Variants in SEMA5B observed in about 807,000 individuals in gnomAD.
SEMA5B encodes the protein semaphorin-5B.
A neutral mutation model predicts 135.0 loss-of-function variants in SEMA5B; 66 were observed. The ratio of observed to expected loss-of-function variants is 0.49; its 90% CI spans 0.40 to 0.60. The LOEUF is 0.60. Among genes scored for constraint, SEMA5B ranks in the 20% least tolerant of loss-of-function variants. SEMA5B has a pLI of 0.00. For synonymous variants in SEMA5B, 690 were observed against 639.5 expected, an observed-to-expected ratio of 1.08 and a Z score of -1.19; for missense variants, 1,501 against 1,566.3, an observed-to-expected ratio of 0.96 and a Z score of 0.70.
At position 122,989,806 on chromosome 3, in the gene SEMA5B, C is replaced by CT. The variant is rs1941820812; in HGVS notation, c.-38-28506_-38-28505insA. On this transcript the variant is annotated intron_variant, in intron 1 of 22. Transcript: ENST00000357599. ...TTGAGCTTTTCAGAGAAAATTGGTT[C>CT]CCTGGGGGAGTAAAGGTCAGAAAAA... is the stretch of plus-strand genomic sequence containing the variant. 2.0e-5 allele frequency among the ~76,000 whole-genome samples: 3 copies of CT among 152,274 alleles called. No homozygotes were observed. The South Asian group carries it at 6.2e-4, about 32-fold the overall frequency.
chr3:122,974,291 G>A (rs1426040092), intron 1 of SEMA5B, among the ~76,000 whole-genome samples: 4 of 152,168 alleles, frequency 2.6e-5, no homozygotes, highest in Non-Finnish European at 5.9e-5. Flanking sequence ...GAGCCCCCTC[G>A]CTCCTGCACA....
chr3:122,910,448 C>A (rs1335163841), intron 22 of SEMA5B, 147 bp from the exon 23 acceptor site: 14 of 814,520 alleles, frequency 1.7e-5, no homozygotes, highest in Non-Finnish European at 2.5e-5. Flanking sequence ...CTGCCCAGTT[C>A]CACCCAGCTG....
At chr3:122,997,519 C>CTCCCCT (rs974910795) in intron 1 of SEMA5B, among the ~76,000 whole-genome samples, 1 of 129,980 alleles carries the variant, frequency 7.7e-6, no homozygotes, top group East Asian at 2.7e-4. Flanking sequence ...CCAGGCCTCT[C>CTCCCCT]CCCCCCCCGT....
intron 1 of SEMA5B, among the ~76,000 whole-genome samples, chr3:123,025,109 G>A: frequency 6.6e-6 from 1 of 152,192 alleles, no homozygotes; most frequent in East Asian, 1.9e-4. Flanking sequence ...TGGGGAGGTA[G>A]CAATCTACAG....
intron 1 of SEMA5B, among the ~76,000 whole-genome samples, chr3:122,987,866 G>A (rs1423469652): frequency 1.3e-5 from 2 of 152,004 alleles, no homozygotes; most frequent in African/African-American, 2.4e-5. Flanking sequence ...TTTCAATTTG[G>A]AGAATTTTAT....
At chr3:123,017,937 T>C (rs949046657) in intron 1 of SEMA5B, among the ~76,000 whole-genome samples, 30 of 150,914 alleles carry the variant, frequency 2.0e-4, no homozygotes, top group African/African-American at 7.3e-4. Context: ...AAAAAAAGGA[T>C]TTTTTGCTGG....
chr3:122,928,413 G>T, intron 7 of SEMA5B, 104 bp downstream of exon 7: 1 of 743,568 alleles, frequency 1.3e-6, no homozygotes, highest in Non-Finnish European at 2.2e-6. Flanking sequence ...TGTTTTGGGT[G>T]TCTGTTTGCA....
intron 20 of SEMA5B, 97 bp downstream of exon 20, chr3:122,911,823 C>T (rs773359168): frequency 7.1e-7 from 1 of 1,400,858 alleles, no homozygotes. Context: ...ATCCTGTGCC[C>T]CCTGCTCCCC....
chr3:122,929,073 T>C lies in SEMA5B; in HGVS notation c.475-15A>G, dbSNP rs778878496. ...CACTCTGTGGCCTGGGGGAGGAACATAGGAGCACACAGACATCACATGGCT... is the reference window on the plus strand; with the variant it reads ...CACTCTGTGGCCTGGGGGAGGAACACAGGAGCACACAGACATCACATGGCT... On this transcript the variant is annotated splice_polypyrimidine_tract_variant and intron_variant, in intron 5 of 22. Transcript: ENST00000357599. 11 of 1,609,922 alleles carry C rather than the reference T, an allele frequency of 6.8e-6. No individual in the cohort carries two copies. Among genetic ancestry groups the C allele is most frequent in the South Asian group, 1.1e-5 (1 of 91,020 alleles).
intron 12 of SEMA5B, 53 bp downstream of exon 12, chr3:122,921,862 T>A (rs1467733796): frequency 1.0e-5 from 15 of 1,463,762 alleles, no homozygotes; most frequent in African/African-American, 2.9e-5. Flanking sequence ...GCCCCGCCTC[T>A]TAAGCGCCTC....
In SEMA5B at chr3:122,910,293, G is replaced by C; in HGVS notation, c.3306C>G (p.Asn1102Lys). 1 of 1,614,120 alleles carries C rather than the reference G, an allele frequency of 6.2e-7. No individual in the cohort carries two copies. Among genetic ancestry groups the C allele is most frequent in the East Asian group, 2.2e-5 (1 of 44,884 alleles). The change falls in exon 23 of 23, where the codon AAC (asparagine) becomes AAG (lysine). Residue 1102 changes from asparagine (N) to lysine (K), a missense_variant. Around this residue, in one of 2 missense-constraint regions of SEMA5B, gnomAD observed 927 missense variants for 881.6 expected, o/e 1.05. Coordinates refer to ENST00000357599, the MANE Select transcript of SEMA5B (RefSeq NM_001031702.4). Reference sequence around the variant, plus strand: ...TGTCATCAGGGATCAAGTTATTCTTGTTCAGGGTCTGTGGGTGGAAGAAGG... The same window carrying C: ...TGTCATCAGGGATCAAGTTATTCTTCTTCAGGGTCTGTGGGTGGAAGAAGG... Reference protein sequence around the residue: ...KYTPMEFKTLNKNNLIPDDRA... With the variant: ...KYTPMEFKTLKKNNLIPDDRA...
At chr3:122,937,700 G>C (rs997576604) in intron 5 of SEMA5B, among the ~76,000 whole-genome samples, 1 of 152,108 alleles carries the variant, frequency 6.6e-6, no homozygotes, top group Non-Finnish European at 1.5e-5. Flanking sequence ...CTGACACCAG[G>C]TCAACACTGA....
chr3:122,963,492 CAAAAAAAAAAAAGAAAAAG>C (rs2107613299), intron 1 of SEMA5B, among the ~76,000 whole-genome samples: 1 of 121,768 alleles, frequency 8.2e-6, no homozygotes, highest in African/African-American at 2.8e-5. Flanking sequence ...GTCTCTGACT[CAAAAAAAAAAAAGAAAAAG>C]AAAAAGAAAA....
At position 123,004,577 on chromosome 3, in the gene SEMA5B, T is replaced by C. The variant is rs1436672029; in HGVS notation, c.-39+22887A>G. Among the ~76,000 whole-genome samples, 4 of 152,314 alleles carry C rather than the reference T, an allele frequency of 2.6e-5. No homozygotes were observed. The South Asian group carries it at 6.2e-4, about 24-fold the overall frequency. Reference sequence around the variant, plus strand: ...CTAACAATGTAAAACTGTTGTTGCTTAAAGAGGCCAATCTAAAGTGTGTTA... The same window carrying C: ...CTAACAATGTAAAACTGTTGTTGCTCAAAGAGGCCAATCTAAAGTGTGTTA... On this transcript the variant is annotated intron_variant, in intron 1 of 22. Transcript: ENST00000357599.
chr3:123,003,704 G>A (rs1942236998), intron 1 of SEMA5B, among the ~76,000 whole-genome samples: 1 of 152,148 alleles, frequency 6.6e-6, no homozygotes, highest in South Asian at 2.1e-4. Flanking sequence ...CACAGTGGCA[G>A]GCGCCTGTAA....
At chr3:122,935,182 C>G (rs1301419654) in intron 5 of SEMA5B, among the ~76,000 whole-genome samples, 1 of 152,138 alleles carries the variant, frequency 6.6e-6, no homozygotes, top group Non-Finnish European at 1.5e-5. Context: ...GACTGGTGGG[C>G]TTCTTGTAGG....
chr3:122,958,424 G>C (rs1940429708), intron 2 of SEMA5B: 1 of 152,234 alleles, frequency 6.6e-6, no homozygotes, highest in Non-Finnish European at 1.5e-5. Flanking sequence ...GGCAGGAAGG[G>C]AAAGCATTGT....
At chr3:122,926,729 A>T (rs531632551) in intron 8 of SEMA5B, 52 bp from the exon 9 acceptor site, 7 of 1,587,218 alleles carry the variant, frequency 4.4e-6, no homozygotes, top group Non-Finnish European at 6.0e-6. Flanking sequence ...GGGGAAGAAG[A>T]TGGCAGAGTC....
At chr3:122,951,776 G>A (rs1254269746) in intron 2 of SEMA5B, among the ~76,000 whole-genome samples, 3 of 152,210 alleles carry the variant, frequency 2.0e-5, no homozygotes, top group Admixed American at 1.3e-4. Context: ...AGCTCCCAGG[G>A]TAGAAGCTGG....
Sources: allele counts gnomAD v4.1 joint callset (sites outside exome capture counted in the v4.1 genomes callset), GRCh38; gene constraint gnomAD v4.1.1; regional missense constraint gnomAD v4.1.1; transcripts MANE v1.5; gene names NCBI Gene and HGNC (gene_info 2026-07-23, HGNC 2026-07-21).